GABRA1: variants seen among roughly 807,000 people sequenced by gnomAD.
GABRA1 encodes gamma-aminobutyric acid type A receptor subunit alpha1.
GABRA1 carries 9 observed loss-of-function variants against 48.9 expected under a neutral mutation model. The ratio of observed to expected loss-of-function variants is 0.18; its 90% confidence interval spans 0.11 to 0.32. GABRA1 has a LOEUF of 0.32. Ranked by LOEUF, GABRA1 falls within the 10% of genes least tolerant of loss-of-function variation. The pLI, the probability that GABRA1 is intolerant of heterozygous loss-of-function variation, is 1.00. For missense variants in GABRA1, 285 were observed against 553.8 expected (o/e 0.51, Z 4.87); for synonymous variants, 210 against 198.7 (o/e 1.06, Z -0.48).
At chr5:161,884,572 G>T (rs1314025768) in intron 7 of GABRA1, among the ~76,000 whole-genome samples, 1 of 152,076 alleles carries the variant, frequency 6.6e-6, no homozygotes, top group East Asian at 1.9e-4. Flanking sequence ...GATTGTTGCA[G>T]GAATTGATTT....
chr5:161,896,045 C>A (rs1309685115), intron 9 of GABRA1, among the ~76,000 whole-genome samples, 177 bp downstream of exon 9: 1 of 151,966 alleles, frequency 6.6e-6, no homozygotes, highest in East Asian at 1.9e-4. Flanking sequence ...AGGGAGAGGT[C>A]ATTTAGGTGA....
intron 4 of GABRA1, among the ~76,000 whole-genome samples, chr5:161,869,543 G>A (rs779252800): frequency 4.6e-5 from 7 of 152,146 alleles, no homozygotes; most frequent in Non-Finnish European, 1.0e-4. Flanking sequence ...AGGGCACTAG[G>A]TTCTGACAGA....
At chr5:161,852,652 A>C (rs1757493530) in intron 2 of GABRA1, among the ~76,000 whole-genome samples, 1 of 152,020 alleles carries the variant, frequency 6.6e-6, no homozygotes, top group African/African-American at 2.4e-5. Context: ...TTAAAAAAAC[A>C]GCAAGATGTT....
At chr5:161,856,815 A>G (rs2113318165) in intron 3 of GABRA1, among the ~76,000 whole-genome samples, 1 of 151,482 alleles carries the variant, frequency 6.6e-6, no homozygotes, top group Non-Finnish European at 1.5e-5. Flanking sequence ...ATAGTTTAAA[A>G]TACTAAGTAC....
intron 7 of GABRA1, among the ~76,000 whole-genome samples, chr5:161,883,632 A>G (rs779605648): frequency 6.6e-6 from 1 of 152,176 alleles, no homozygotes; most frequent in Non-Finnish European, 1.5e-5. Flanking sequence ...ATTTAAGTTG[A>G]CTTTATTCAC....
rs78679936 is a variant in GABRA1 at position 161,872,896 on chromosome 5, A to G, written c.256-221A>G. Among the ~76,000 whole-genome samples the G allele has an allele frequency of 0.11, 17,348 of 152,214 alleles. 1,088 individuals are homozygous for G. Among genetic ancestry groups the G allele is most frequent in the Non-Finnish European group, 0.14 (9,577 of 67,990 alleles). ...TTGGAAAAATTTTTCTGACCAAAAAATATGTCAGGCATTTTAGATATTTTT... is the reference window on the plus strand; with the variant it reads ...TTGGAAAAATTTTTCTGACCAAAAAGTATGTCAGGCATTTTAGATATTTTT... On this transcript the variant is annotated intron_variant, in intron 4 of 9. Coordinates refer to ENST00000393943, the MANE Select transcript of GABRA1 (RefSeq NM_001127644.2).
At chr5:161,869,932 T>G (rs1448406957) in intron 4 of GABRA1, among the ~76,000 whole-genome samples, 1 of 152,146 alleles carries the variant, frequency 6.6e-6, no homozygotes, top group Non-Finnish European at 1.5e-5. Context: ...TTTCCTACAA[T>G]CCTTCTAAAG....
chr5:161,873,645 T>G (rs146708754), intron 5 of GABRA1, among the ~76,000 whole-genome samples: 1 of 152,316 alleles, frequency 6.6e-6, no homozygotes, highest in East Asian at 1.9e-4. Context: ...CAGTAAGACC[T>G]AAATTTCTAG....
chr5:161,872,887 G>C (rs1386816578), intron 4 of GABRA1, among the ~76,000 whole-genome samples: 1 of 151,950 alleles, frequency 6.6e-6, no homozygotes, highest in African/African-American at 2.4e-5. Flanking sequence ...AAATTTTTCT[G>C]ACCAAAAAAT....
chr5:161,897,195 G>A lies in GABRA1; in HGVS notation c.1144G>A (p.Gly382Ser). ...ATSYTPNLAR[G>S]DPGLATIAKS... ...CAGCTACACCCCTAATTTGGCCAGG[G>A]GCGACCCGGGCTTAGCCACCATTGC... Residue 382 changes from glycine (G) to serine (S), a missense_variant, in exon 10 of 10, where the codon GGC (glycine) becomes AGC (serine). Around this residue, in one of 6 missense-constraint regions of GABRA1, gnomAD observed 99 missense variants for 94.2 expected, o/e 1.05. Transcript: ENST00000393943. The A allele has an allele frequency of 6.2e-7, 1 of 1,613,980 alleles. No individual in the cohort carries two copies.
At chr5:161,881,380 C>T (rs1398145662) in intron 6 of GABRA1, among the ~76,000 whole-genome samples, 1 of 152,088 alleles carries the variant, frequency 6.6e-6, no homozygotes, top group African/African-American at 2.4e-5. Flanking sequence ...CCTTCTCTTT[C>T]TCTCTCACTC....
chr5:161,872,912 A>T, intron 4 of GABRA1: 3 of 565,974 alleles, frequency 5.3e-6, no homozygotes, highest in Non-Finnish European at 9.4e-6. Context: ...CAGGCATTTT[A>T]GATATTTTTT....
chr5:161,847,221 A>G (rs1474181098), upstream of GABRA1: 2 of 152,116 alleles, frequency 1.3e-5, no homozygotes, highest in African/African-American at 4.8e-5. Flanking sequence ...GGGGGGGAAA[A>G]GTAGATGCGG....
rs139350349 is a variant in GABRA1 at position 161,881,968 on chromosome 5, GGGAGGA to G, written c.560-576_560-571del. The G allele has an allele frequency of 5.3e-5, 8 of 149,908 alleles. No homozygotes were observed. In the East Asian group the frequency reaches 7.7e-4, roughly 14 times the overall value. The allele number at this position is 149,908 out of a possible 1,614,324, so 9.3% of individuals were successfully genotyped here. A position where few individuals can be genotyped will look rare whatever the true frequency, so the allele number is the denominator to read the frequency against. On this transcript the variant is annotated intron_variant, in intron 6 of 9. Transcript: ENST00000393943. Reference sequence around the variant, plus strand: ...AAGGAGAAGGAGGGGCAGGGGGAGGGGGAGGAGGAGGAGGAGGAGAAGGAGAAGGAG... The same window carrying G: ...AAGGAGAAGGAGGGGCAGGGGGAGGGGGAGGAGGAGGAGAAGGAGAAGGAG...
chr5:161,895,898 T>C (rs1755343579), intron 9 of GABRA1, 30 bp downstream of exon 9: 2 of 1,551,982 alleles, frequency 1.3e-6, no homozygotes, highest in Non-Finnish European at 1.8e-6. Context: ...CTGTAGTACA[T>C]CAATATTATG....
At chr5:161,850,640 G>A in intron 1 of GABRA1, 156 bp from the exon 2 acceptor site, 1 of 653,692 alleles carries the variant, frequency 1.5e-6, no homozygotes, top group Non-Finnish European at 2.8e-6. Flanking sequence ...GAGAATGGAT[G>A]GTCCAGGTTT....
intron 3 of GABRA1, among the ~76,000 whole-genome samples, chr5:161,854,812 T>C (rs1757585285): frequency 6.6e-6 from 1 of 151,594 alleles, no homozygotes; most frequent in African/African-American, 2.4e-5. Flanking sequence ...TACAATTTTA[T>C]TTTACTTGGT....
chr5:161,891,567 A>G (rs1348487683), intron 8 of GABRA1, among the ~76,000 whole-genome samples: 1 of 152,086 alleles, frequency 6.6e-6, no homozygotes, highest in African/African-American at 2.4e-5. Flanking sequence ...CATTTTTTCT[A>G]TTACAATATT....
Position 161,897,934 on chromosome 5 carries a change from A to G in GABRA1, c.*512A>G, listed in dbSNP as rs1755448016. On this transcript the variant is annotated 3_prime_UTR_variant, in exon 10 of 10. Coordinates refer to ENST00000393943, the MANE Select transcript of GABRA1 (RefSeq NM_001127644.2). ...TGTTTTTGTTTTGCTTTTTAAACTG[A>G]TGTATAGCTTTAACATTTTGTTTCC... 1 of 151,970 alleles carries G rather than the reference A, an allele frequency of 6.6e-6. No individual in the cohort carries two copies. The highest frequency in any genetic ancestry group is 6.6e-5 in the Admixed American group (1 of 15,232). The allele number at this position is 151,970 out of a possible 1,614,324, so 9.4% of individuals were successfully genotyped here.
Sources: gnomAD v4.1 joint callset for allele counts (sites outside exome capture counted in the v4.1 genomes callset) on GRCh38, gnomAD v4.1.1 for gene constraint, gnomAD v4.1.1 regional missense constraint, MANE v1.5 for transcripts, NCBI Gene and HGNC (gene_info 2026-07-23, HGNC 2026-07-21) for gene names.